Variants in GALNT17 observed in about 807,000 individuals in gnomAD.
GALNT17 encodes the protein polypeptide N-acetylgalactosaminyltransferase 17.
A neutral mutation model predicts 63.7 loss-of-function variants in GALNT17; 29 were observed. The ratio of observed to expected loss-of-function variants is 0.46; its 90% CI spans 0.34 to 0.62. The LOEUF (loss-of-function observed/expected upper bound fraction) is 0.62. Ranked by LOEUF, GALNT17 falls within the 20% of genes least tolerant of loss-of-function variation. The pLI is 0.01. For synonymous variants in GALNT17, 305 were observed against 318.3 expected (o/e 0.96, Z 0.45); for missense variants, 603 against 799.6 (o/e 0.75, Z 2.97).
intron 6 of GALNT17, among the ~76,000 whole-genome samples, chr7:71,591,804 A>G (rs1789806162): frequency 6.6e-6 from 1 of 152,016 alleles, no homozygotes; most frequent in African/African-American, 2.4e-5. Context: ...CTGGGATTAC[A>G]GGCGCATGCC....
chr7:71,469,153 G>T (rs1390228787), intron 5 of GALNT17, among the ~76,000 whole-genome samples: 1 of 152,056 alleles, frequency 6.6e-6, no homozygotes, highest in African/African-American at 2.4e-5. Context: ...GAAAGGGTGG[G>T]GTATGTGAAG....
intron 1 of GALNT17, among the ~76,000 whole-genome samples, chr7:71,215,226 C>T (rs1250312375): frequency 6.6e-6 from 1 of 152,078 alleles, no homozygotes; most frequent in African/African-American, 2.4e-5. Context: ...GATTCATTCC[C>T]CTTGCTGGCT....
intron 6 of GALNT17, among the ~76,000 whole-genome samples, chr7:71,580,403 A>T (rs377500421): frequency 4.1e-5 from 4 of 97,526 alleles, no homozygotes; most frequent in South Asian, 3.2e-4. Context: ...GATGGATGAT[A>T]GATAGATAGA....
chr7:71,312,470 T>C (rs1791428410), intron 1 of GALNT17, among the ~76,000 whole-genome samples: 1 of 152,206 alleles, frequency 6.6e-6, no homozygotes, highest in African/African-American at 2.4e-5. Flanking sequence ...TCTGTGATTG[T>C]GGATTAGTGT....
At chr7:71,353,495 C>T (rs1463597059) in intron 2 of GALNT17, among the ~76,000 whole-genome samples, 1 of 152,128 alleles carries the variant, frequency 6.6e-6, no homozygotes, top group East Asian at 1.9e-4. Context: ...TATTTTGAAA[C>T]AGCCCTTTAG....
chr7:71,571,223 C>T (rs1326363101), intron 5 of GALNT17, 62 bp from the exon 6 acceptor site: 1 of 1,417,510 alleles, frequency 7.1e-7, no homozygotes, highest in African/African-American at 1.4e-5. Context: ...TAGGACGGTG[C>T]CTATGGAAGG....
intron 1 of GALNT17, among the ~76,000 whole-genome samples, chr7:71,241,653 T>TGAGGCAGGAGGATTGCTTG (rs749332995): frequency 2.0e-5 from 3 of 152,178 alleles, no homozygotes; most frequent in Non-Finnish European, 2.9e-5. Context: ...TTTGAGAGGC[T>TGAGGCAGGAGGATTGCTTG]GAGGCAGGAG....
intron 5 of GALNT17, among the ~76,000 whole-genome samples, chr7:71,567,938 A>T (rs971079455): frequency 3.9e-5 from 6 of 152,204 alleles, no homozygotes; most frequent in African/African-American, 7.2e-5. Context: ...TTTCCATGGA[A>T]TCAGAAACCT....
intron 1 of GALNT17, among the ~76,000 whole-genome samples, chr7:71,264,785 A>G (rs1217060449): frequency 3.3e-5 from 5 of 152,036 alleles, no homozygotes; most frequent in Admixed American, 3.3e-4. Flanking sequence ...AGTCGACCTC[A>G]TGGGGCCAGA....
intron 6 of GALNT17, among the ~76,000 whole-genome samples, chr7:71,606,975 C>T (rs9638296): frequency 6.6e-6 from 1 of 151,960 alleles, no homozygotes; most frequent in Non-Finnish European, 1.5e-5. Flanking sequence ...AATGGCCCAT[C>T]CCCACAAGAT....
intron 1 of GALNT17, among the ~76,000 whole-genome samples, chr7:71,277,282 A>G (rs1174432802): frequency 6.6e-6 from 1 of 152,180 alleles, no homozygotes; most frequent in East Asian, 1.9e-4. Context: ...GTGGGAGCTG[A>G]ACAATGGGTA....
intron 1 of GALNT17, among the ~76,000 whole-genome samples, chr7:71,196,698 G>T (rs1301884429): frequency 6.6e-6 from 1 of 152,078 alleles, no homozygotes; most frequent in Non-Finnish European, 1.5e-5. Flanking sequence ...GAGTGCAGTG[G>T]CGTGATCTTG....
At chr7:71,708,203 A>G (rs557825) in intron 9 of GALNT17, among the ~76,000 whole-genome samples, 150,026 of 152,268 alleles carry the variant, frequency 0.99, 73,942 homozygotes, top group East Asian at 1. Context: ...TGTTAATAAA[A>G]ACATACCCAA....
Position 71,669,865 on chromosome 7 carries a change from C to T in GALNT17, c.1267-107C>T, listed in dbSNP as rs559688294. On this transcript the variant is annotated intron_variant, in intron 7 of 10. Coordinates refer to ENST00000333538, the MANE Select transcript of GALNT17 (RefSeq NM_022479.3). ...CATGAGCCACCGTGCCCAGCCCAGG[C>T]TTAAGATCTTCTATGTGAAGGTTTC... 7.6e-6 allele frequency: 11 copies of T among 1,445,922 alleles called. No individual in the cohort carries two copies. In the African/African-American group the frequency reaches 1.1e-4, roughly 15 times the overall value. The allele number at this position is 1,445,922 out of a possible 1,614,324, so 89.6% of individuals were successfully genotyped here.
At chr7:71,613,981 C>A (rs1343643482) in intron 6 of GALNT17, among the ~76,000 whole-genome samples, 1 of 151,882 alleles carries the variant, frequency 6.6e-6, no homozygotes, top group African/African-American at 2.4e-5. Context: ...AAACTCATAA[C>A]ATGGAGAGTC....
chr7:71,605,145 C>T (rs1373256033), intron 6 of GALNT17, among the ~76,000 whole-genome samples: 7 of 151,808 alleles, frequency 4.6e-5, no homozygotes, highest in Admixed American at 3.9e-4. Flanking sequence ...CATTCTTCAC[C>T]CTCAAACTTG....
chr7:71,642,204 C>G (rs1002212353), intron 6 of GALNT17, among the ~76,000 whole-genome samples: 4 of 152,258 alleles, frequency 2.6e-5, no homozygotes, highest in Admixed American at 2.6e-4. Context: ...AGAATCCTTC[C>G]CTTACAGCAG....
chr7:71,344,133 G>A (rs749564664), intron 2 of GALNT17, among the ~76,000 whole-genome samples: 6 of 151,974 alleles, frequency 3.9e-5, no homozygotes, highest in East Asian at 1.9e-4. Flanking sequence ...AGACAAGGGC[G>A]TGAGCCATTC....
At chr7:71,245,975 C>T (rs1294124190) in intron 1 of GALNT17, among the ~76,000 whole-genome samples, 1 of 150,964 alleles carries the variant, frequency 6.6e-6, no homozygotes, top group Non-Finnish European at 1.5e-5. Flanking sequence ...TTTGGAAGTA[C>T]ATACTCCGAG....
Sources: allele counts gnomAD v4.1 joint callset (sites outside exome capture counted in the v4.1 genomes callset), GRCh38; gene constraint gnomAD v4.1.1; transcripts MANE v1.5; gene names NCBI Gene and HGNC (gene_info 2026-07-23, HGNC 2026-07-21).